The following CSTL1 variants were observed in gnomAD, a reference collection of about 807,000 sequenced individuals.
The protein encoded by CSTL1 is cystatin-like 1.
Under a neutral mutation model 14.4 loss-of-function variants are expected in CSTL1, and 14 were observed. The observed-to-expected ratio is 0.97, with a 90% CI of 0.64 to 1.52. The LOEUF (loss-of-function observed/expected upper bound fraction) is 1.52, where lower values mean the gene tolerates loss of function less well. CSTL1 is among the 40% of genes most tolerant of loss of function. The pLI, the probability that CSTL1 is intolerant of heterozygous loss-of-function variation, is 0.00. For missense variants in CSTL1, 170 were observed against 168.7 expected, an observed-to-expected ratio of 1.01 and a Z score of -0.04; for synonymous variants, 72 against 67.5, an observed-to-expected ratio of 1.07 and a Z score of -0.33.
downstream of CSTL1, chr20:23,444,954 T>C: frequency 2.1e-6 from 2 of 965,384 alleles, no homozygotes; most frequent in Non-Finnish European, 3.3e-6. Context: ...GGGGTCTTAT[T>C]ACACATGCAC....
the CSTL1 span, among the ~76,000 whole-genome samples, chr20:23,455,926 C>T: frequency 5.9e-5 from 9 of 152,280 alleles, no homozygotes; most frequent in East Asian, 1.5e-3. Flanking sequence ...CTTTTTTCCC[C>T]TCTGCTTTTT....
At chr20:23,455,149 T>A in the CSTL1 span, among the ~76,000 whole-genome samples, 2 of 152,230 alleles carry the variant, frequency 1.3e-5, no homozygotes, top group African/African-American at 4.8e-5. Flanking sequence ...TTGTGGTGCC[T>A]TGTGCCCTTG....
At chr20:23,439,871 C>T (rs935336961) in intron 1 of CSTL1, 65 bp downstream of exon 1, 1 of 240,296 alleles carries the variant, frequency 4.2e-6, no homozygotes, top group Non-Finnish European at 8.3e-6. Context: ...TCAGATATTA[C>T]CTTCTCCGTA....
chr20:23,440,589 C>CA, intron 2 of CSTL1, 103 bp downstream of exon 2: 1 of 859,418 alleles, frequency 1.2e-6, no homozygotes, highest in Non-Finnish European at 2.0e-6. Flanking sequence ...TGGTGGTCCT[C>CA]CGTGAGGTCC....
the CSTL1 span, chr20:23,459,453 AATT>A: frequency 2.0e-5 from 3 of 152,146 alleles, no homozygotes; most frequent in South Asian, 2.1e-4. Context: ...AAAAATGTTC[AATT>A]ATTATTGTTG....
At chr20:23,446,782 A>C (rs1298472488), downstream of CSTL1, among the ~76,000 whole-genome samples, 1 of 152,210 alleles carries the variant, frequency 6.6e-6, no homozygotes, top group African/African-American at 2.4e-5. Context: ...TTGACCATTC[A>C]GCCTCTTCCC....
At chr20:23,452,247 G>A in the CSTL1 span, among the ~76,000 whole-genome samples, 1 of 152,152 alleles carries the variant, frequency 6.6e-6, no homozygotes, top group Non-Finnish European at 1.5e-5. Flanking sequence ...TTGGCCATGT[G>A]GTCTCTGTAA....
At chr20:23,450,443 G>T in the CSTL1 span, 41 of 1,018,084 alleles carry the variant, frequency 4.0e-5, no homozygotes, top group Non-Finnish European at 5.6e-5. Context: ...CCTATATTAA[G>T]GATTATTGCC....
the CSTL1 span, among the ~76,000 whole-genome samples, chr20:23,460,515 G>A: frequency 2.0e-5 from 3 of 152,120 alleles, no homozygotes; most frequent in South Asian, 6.2e-4. Context: ...TTGTAATCAT[G>A]GGGATGTCAA....
At chr20:23,443,073 G>A (rs1986874087) in intron 2 of CSTL1, among the ~76,000 whole-genome samples, 1 of 152,174 alleles carries the variant, frequency 6.6e-6, no homozygotes, top group Non-Finnish European at 1.5e-5. Context: ...CATGGCTCGT[G>A]TACCCACCAT....
At chr20:23,451,970 T>C in the CSTL1 span, 38 of 1,415,788 alleles carry the variant, frequency 2.7e-5, no homozygotes, top group Non-Finnish European at 3.7e-5. Context: ...TTCTCCCCTG[T>C]CTGCGGTTTC....
rs1284160642 is a variant in CSTL1 at position 23,440,281 on chromosome 20, G to A, written c.14G>A (p.Cys5Tyr). MGIG[C>Y]WRNPLLLLIA... Reference sequence around the variant, plus strand: ...GAGGCTGTAGACATGGGGATCGGATGCTGGAGAAACCCCCTGCTGCTGCTG... The same window carrying A: ...GAGGCTGTAGACATGGGGATCGGATACTGGAGAAACCCCCTGCTGCTGCTG... The change falls in exon 2 of 4, where the codon TGC becomes TAC. Residue 5 changes from cysteine to tyrosine, a missense_variant. Coordinates refer to ENST00000347397, the MANE Select transcript of CSTL1 (RefSeq NM_138283.1). 1 of 1,614,132 alleles carries A rather than the reference G, an allele frequency of 6.2e-7. No homozygotes were observed. The highest frequency in any genetic ancestry group is 1.3e-5 in the African/African-American group (1 of 75,030).
the CSTL1 span, among the ~76,000 whole-genome samples, chr20:23,455,249 T>G: frequency 1.3e-5 from 2 of 152,234 alleles, no homozygotes; most frequent in African/African-American, 4.8e-5. Flanking sequence ...GAGTTTATTT[T>G]CAACTCTTGT....
downstream of CSTL1, among the ~76,000 whole-genome samples, chr20:23,446,266 C>G (rs367928723): frequency 5.0e-5 from 7 of 140,230 alleles, no homozygotes; most frequent in African/African-American, 2.0e-4. Context: ...TTTTTTTTTT[C>G]TTTTTTTTGA....
At chr20:23,450,670 A>G in the CSTL1 span, 3 of 1,036,360 alleles carry the variant, frequency 2.9e-6, no homozygotes, top group Non-Finnish European at 4.2e-6. Flanking sequence ...TAAGACACGA[A>G]GATGGAGAAA....
At chr20:23,449,226 T>C (rs2123322566), downstream of CSTL1, among the ~76,000 whole-genome samples, 1 of 152,268 alleles carries the variant, frequency 6.6e-6, no homozygotes, top group Non-Finnish European at 1.5e-5. Context: ...CCCTGTGCCC[T>C]TTTATTTGTG....
chr20:23,454,325 CAG>C, the CSTL1 span, among the ~76,000 whole-genome samples: 2 of 151,666 alleles, frequency 1.3e-5, no homozygotes, highest in Admixed American at 6.6e-5. Flanking sequence ...CTGAAACACA[CAG>C]ACACACAACA....
At chr20:23,448,383 C>T (rs943218799), downstream of CSTL1, among the ~76,000 whole-genome samples, 1 of 152,214 alleles carries the variant, frequency 6.6e-6, no homozygotes, top group Admixed American at 6.5e-5. Flanking sequence ...GGAGGCAGCA[C>T]AGCAGAGCTC....
At chr20:23,451,805 T>C in the CSTL1 span, 15 of 1,606,196 alleles carry the variant, frequency 9.3e-6, no homozygotes, top group Non-Finnish European at 1.2e-5. Context: ...TAAAGTGCTT[T>C]TACCCAATAC....
Sources: allele counts gnomAD v4.1 joint callset (sites outside exome capture counted in the v4.1 genomes callset), GRCh38; gene constraint gnomAD v4.1.1; transcripts MANE v1.5; gene names NCBI Gene and HGNC (gene_info 2026-07-23, HGNC 2026-07-21).